ZFHX3: variants seen among roughly 807,000 people sequenced by gnomAD.
The protein encoded by ZFHX3 is zinc finger homeobox 3.
In ZFHX3, 42 loss-of-function variants were observed where a neutral mutation model predicts 279.1. The ratio of observed to expected loss-of-function variants is 0.15; its 90% CI spans 0.12 to 0.19. The LOEUF (loss-of-function observed/expected upper bound fraction) is 0.19, where lower values mean the gene tolerates loss of function less well. Ranked by LOEUF, ZFHX3 falls within the 10% of genes least tolerant of loss-of-function variation. The probability of loss-of-function intolerance (pLI) is 1.00; values close to 1 mark genes in which losing one functional copy is unlikely to be tolerated. For missense variants in ZFHX3, 4,981 were observed against 4,754.0 expected, an observed-to-expected ratio of 1.05 and a Z score of -1.40; for synonymous variants, 2,293 against 1,957.8, an observed-to-expected ratio of 1.17 and a Z score of -4.52.
chr16:73,332,358 A>T (rs2015821271), intron 3 of ZFHX3, among the ~76,000 whole-genome samples: 1 of 152,228 alleles, frequency 6.6e-6, no homozygotes. Flanking sequence ...AATCATTTAC[A>T]TGACAGTGTA....
chr16:73,874,765 TC>T (rs1004477053), intron 1 of ZFHX3, among the ~76,000 whole-genome samples: 1 of 152,198 alleles, frequency 6.6e-6, no homozygotes, highest in African/African-American at 2.4e-5. Flanking sequence ...ATACAAAAAT[TC>T]ACATATTATC....
Position 73,390,872 on chromosome 16 carries a change from C to G in ZFHX3, c.-1291+65131G>C, listed in dbSNP as rs541789072. ...AAAAAAAATCATTAAACAACCCCCC[C>G]AAAAGAGGGCTCAATGAGGTCTCAT... On this transcript the variant is annotated intron_variant, in intron 3 of 17. Transcript: ENST00000641206. Among the ~76,000 whole-genome samples the G allele has an allele frequency of 2.6e-5, 4 of 152,236 alleles. No individual in the cohort carries two copies. The South Asian group carries it at 8.3e-4, about 32-fold the overall frequency.
In ZFHX3 at chr16:73,344,197, C is replaced by CA. The variant is rs578197399; in HGVS notation, c.-1290-25862dup. Among the ~76,000 whole-genome samples, 76 of 152,256 alleles carry CA rather than the reference C, an allele frequency of 5.0e-4. No homozygotes were observed. In the East Asian group the frequency reaches 0.014, roughly 29 times the overall value. ...AACATCACAAATAATGGCACTGACC[C>CA]AAAATCATATCCTCTGACTTCCTCA... On this transcript the variant is annotated intron_variant, in intron 3 of 17. Transcript: ENST00000641206.
intron 8 of ZFHX3, among the ~76,000 whole-genome samples, chr16:73,083,917 A>T (rs1422298019): frequency 2.6e-5 from 4 of 152,254 alleles, no homozygotes; most frequent in South Asian, 4.1e-4. Flanking sequence ...CCCCAGGGTG[A>T]CACACCTGTT....
intron 1 of ZFHX3, among the ~76,000 whole-genome samples, chr16:73,047,161 T>C (rs1008467533): frequency 6.6e-6 from 1 of 152,208 alleles, no homozygotes; most frequent in Admixed American, 6.5e-5. Flanking sequence ...GACCTAAACA[T>C]AGGCATTCCT....
At chr16:73,476,700 T>C (rs141085764) in intron 2 of ZFHX3, among the ~76,000 whole-genome samples, 30 of 152,324 alleles carry the variant, frequency 2.0e-4, no homozygotes, top group African/African-American at 6.7e-4. Flanking sequence ...ACATTGCTTT[T>C]TACCATGAAT....
intron 3 of ZFHX3, among the ~76,000 whole-genome samples, chr16:73,442,238 C>T (rs531403429): frequency 4.6e-5 from 7 of 152,290 alleles, no homozygotes; most frequent in African/African-American, 1.7e-4. Flanking sequence ...GCTAGAAGTC[C>T]GAGATCAAGG....
chr16:73,800,687 G>C (rs1203884243), intron 1 of ZFHX3, among the ~76,000 whole-genome samples: 1 of 152,054 alleles, frequency 6.6e-6, no homozygotes, highest in African/African-American at 2.4e-5. Context: ...TTCTCAATTG[G>C]TTTCTGAGTC....
intron 7 of ZFHX3, among the ~76,000 whole-genome samples, chr16:73,101,849 T>G (rs1413259192): frequency 6.6e-6 from 1 of 151,358 alleles, no homozygotes; most frequent in East Asian, 1.9e-4. Flanking sequence ...CACCACCCCT[T>G]CCAACATGCA....
At chr16:73,015,040 CTTTTTTTTTTTT>C (rs67778248) in intron 1 of ZFHX3, 1 of 95,096 alleles carries the variant, frequency 1.1e-5, no homozygotes, top group Non-Finnish European at 2.0e-5. Context: ...AGAGCTGTGT[CTTTTTTTTTTTT>C]TTTTTTTTTT....
chr16:73,068,603 G>T (rs570721350), intron 8 of ZFHX3, among the ~76,000 whole-genome samples: 1 of 152,332 alleles, frequency 6.6e-6, no homozygotes, highest in East Asian at 1.9e-4. Context: ...TTCATACCAG[G>T]CCTTTTTGTT....
intron 1 of ZFHX3, among the ~76,000 whole-genome samples, chr16:73,025,484 C>A (rs1040532969): frequency 6.6e-6 from 1 of 152,214 alleles, no homozygotes; most frequent in Non-Finnish European, 1.5e-5. Flanking sequence ...CTCACGGACT[C>A]GATACAGCAG....
At chr16:73,682,827 GGAGA>G (rs747347596) in intron 1 of ZFHX3, among the ~76,000 whole-genome samples, 1 of 130,390 alleles carries the variant, frequency 7.7e-6, no homozygotes, top group South Asian at 2.4e-4. Context: ...AAAGAGAAAA[GGAGA>G]GAGAGAGAGA....
intron 1 of ZFHX3, among the ~76,000 whole-genome samples, chr16:73,772,450 T>G (rs2054029037): frequency 6.6e-6 from 1 of 152,184 alleles, no homozygotes; most frequent in Admixed American, 6.5e-5. Flanking sequence ...GCCCCCATGA[T>G]TCAGTTACCT....
chr16:72,798,400 C>T lies in ZFHX3; in HGVS notation c.4282G>A (p.Ala1428Thr). The change falls in exon 9 of 10, where the codon GCC becomes ACC. Residue 1428 changes from alanine (A) to threonine (T), a missense_variant. Coordinates refer to ENST00000268489, the MANE Select transcript of ZFHX3 (RefSeq NM_006885.4). ...CGCTGACAAAGACAGCACATGGTGG[C>T]AGCTCTGATCACATGGTACTGAGAA... ...LHSQYHVIRA[A>T]TMCCLCQRSF... 6.2e-7 allele frequency: 1 copy of T among 1,614,222 alleles called. No homozygotes were observed. The highest frequency in any genetic ancestry group is 8.5e-7 in the Non-Finnish European group (1 of 1,180,054).
chr16:73,715,699 G>A (rs1316129558), intron 1 of ZFHX3, among the ~76,000 whole-genome samples: 2 of 149,596 alleles, frequency 1.3e-5, no homozygotes, highest in East Asian at 2.0e-4. Flanking sequence ...AGCCCCCCAA[G>A]TAGCTGCGAT....
At chr16:73,611,553 C>G (rs2052246762) in intron 2 of ZFHX3, among the ~76,000 whole-genome samples, 3 of 152,096 alleles carry the variant, frequency 2.0e-5, no homozygotes, top group Admixed American at 2.0e-4. Context: ...TGAATCTCAA[C>G]TTCTGAAGCA....
At chr16:73,606,043 C>T (rs924878887) in intron 2 of ZFHX3, among the ~76,000 whole-genome samples, 2 of 151,488 alleles carry the variant, frequency 1.3e-5, no homozygotes, top group Non-Finnish European at 2.9e-5. Flanking sequence ...ATTACCCCGG[C>T]GTGGTGGCGG....
chr16:73,376,020 A>G (rs1234262117), intron 3 of ZFHX3, among the ~76,000 whole-genome samples: 1 of 152,178 alleles, frequency 6.6e-6, no homozygotes, highest in African/African-American at 2.4e-5. Flanking sequence ...CATATGTCTG[A>G]AGTCAGATGT....
Sources: allele counts gnomAD v4.1 joint callset (sites outside exome capture counted in the v4.1 genomes callset), GRCh38; gene constraint gnomAD v4.1.1; transcripts MANE v1.5; gene names NCBI Gene and HGNC (gene_info 2026-07-23, HGNC 2026-07-21).